ATR: variants seen among roughly 807,000 people sequenced by gnomAD.
The protein encoded by ATR is ATR checkpoint kinase, also known as serine/threonine-protein kinase ATR.
ATR carries 142 observed loss-of-function variants against 305.3 expected under a neutral mutation model. The observed-to-expected ratio is 0.47, with a 90% CI of 0.41 to 0.53. The LOEUF is 0.53. ATR is among the 20% of genes least tolerant of loss of function. The probability of loss-of-function intolerance (pLI) is 0.00; values close to 1 mark genes in which losing one functional copy is unlikely to be tolerated. For synonymous variants in ATR, 1,050 were observed against 1,068.1 expected (o/e 0.98, Z 0.33); for missense variants, 2,135 against 3,133.1 (o/e 0.68, Z 7.60).
chr3:142,450,929 C>T (rs562881558), intron 46 of ATR: 114 of 1,220,772 alleles, frequency 9.3e-5, no homozygotes, highest in Middle Eastern at 6.2e-4. Context: ...ATTATCTTCG[C>T]GGAGCTCACC....
intron 8 of ATR, among the ~76,000 whole-genome samples, chr3:142,557,163 TTCTC>T (rs772910717): frequency 6.6e-6 from 1 of 152,222 alleles, no homozygotes; most frequent in South Asian, 2.1e-4. Flanking sequence ...ATTTCTTTCT[TTCTC>T]TCTCTTTTTT....
chr3:142,534,811 A>G (rs767860594), intron 21 of ATR, among the ~76,000 whole-genome samples: 6 of 152,222 alleles, frequency 3.9e-5, no homozygotes, highest in Non-Finnish European at 7.3e-5. Context: ...TTATACAATT[A>G]TATACATGTT....
At chr3:142,507,850 A>T in intron 28 of ATR, 81 bp downstream of exon 28, 2 of 1,311,356 alleles carry the variant, frequency 1.5e-6, no homozygotes, top group Non-Finnish European at 1.1e-6. Flanking sequence ...CATATAAAAC[A>T]TTCAATAAAA....
intron 28 of ATR, among the ~76,000 whole-genome samples, chr3:142,507,123 T>C (rs2032290354): frequency 6.6e-6 from 1 of 152,214 alleles, no homozygotes; most frequent in Non-Finnish European, 1.5e-5. Context: ...AAGGGGCTAA[T>C]ATTCATCTTA....
At position 142,449,562 on chromosome 3, in the gene ATR, C is replaced by G. The variant is rs2070733957; in HGVS notation, c.7802G>C (p.Gly2601Ala). 6.2e-7 allele frequency: 1 copy of G among 1,614,108 alleles called. No individual in the cohort carries two copies. Among genetic ancestry groups the G allele is most frequent in the Non-Finnish European group, 8.5e-7 (1 of 1,180,002 alleles). ...CACTCTATTTCGAGTCTTGATTACA[C>G]CTTGTAGTCGCTGCTCAATGTCAAG... Reference protein sequence around the residue: ...HVLDIEQRLQGVIKTRNRVTG... With the variant: ...HVLDIEQRLQAVIKTRNRVTG... Residue 2601 changes from glycine to alanine, a missense_variant, in exon 47 of 47, where the codon GGT (glycine) becomes GCT (alanine). Gly to Ala is a moderately conservative substitution (Grantham distance 60). Coordinates refer to ENST00000350721, the MANE Select transcript of ATR (RefSeq NM_001184.4).
rs1266744400 is a variant in ATR, at chr3:142,497,057, C to A, written c.5694G>T (p.Glu1898Asp). 6.2e-7 allele frequency: 1 copy of A among 1,613,562 alleles called. No individual in the cohort carries two copies. ...EMTQNSYRAK[E>D]PILALRRALL... The stretch of plus-strand genomic sequence containing the variant: ...AAGCCCTCCGGAGAGCCAGGATAGG[C>A]TCCTTGGCTCTGTAGGAATTCTGGG... Residue 1898 changes from glutamate to aspartate, a missense_variant, in exon 33 of 47, where the codon GAG becomes GAT. By Grantham distance (45) the Glu-to-Asp change is conservative (BLOSUM62 2). This residue lies in a region of ATR where 30 missense variants were observed against 26.7 expected (regional missense o/e 1.12). Transcript: ENST00000350721.
chr3:142,494,985 A>C (rs553701676), intron 34 of ATR, among the ~76,000 whole-genome samples: 1 of 152,184 alleles, frequency 6.6e-6, no homozygotes, highest in Non-Finnish European at 1.5e-5. Flanking sequence ...GATTCAAGAG[A>C]TATTTCTAAG....
At chr3:142,516,430 T>C (rs1254429091) in intron 24 of ATR, among the ~76,000 whole-genome samples, 1 of 152,220 alleles carries the variant, frequency 6.6e-6, no homozygotes, top group Non-Finnish European at 1.5e-5. Context: ...TATGTATTCT[T>C]AGTCTTCAAA....
At chr3:142,521,174 T>A (rs1044279223) in intron 23 of ATR, among the ~76,000 whole-genome samples, 1 of 152,194 alleles carries the variant, frequency 6.6e-6, no homozygotes, top group African/African-American at 2.4e-5. Flanking sequence ...CTGCCTGTGC[T>A]CTATAAATGC....
Position 142,462,217 on chromosome 3 carries a change from A to G in ATR, c.7042-127T>C, listed in dbSNP as rs1577501095. On this transcript the variant is annotated intron_variant, in intron 41 of 46. Transcript: ENST00000350721. ...TGTCATTGAAGGCTTACTATGTGGT[A>G]TACATGAATAATTCTTCTGAATGGT... 3.4e-6 allele frequency: 3 copies of G among 877,904 alleles called. No homozygotes were observed. In the East Asian group the frequency reaches 8.0e-5, roughly 23 times the overall value. 54.4% of individuals were successfully genotyped at this position (877,904 alleles called of 1,614,324 possible). A position where few individuals can be genotyped will look rare whatever the true frequency, so the allele number is the denominator to read the frequency against.
intron 39 of ATR, among the ~76,000 whole-genome samples, chr3:142,466,837 T>C (rs143036868): frequency 5.6e-4 from 86 of 152,328 alleles, no homozygotes; most frequent in Non-Finnish European, 1.0e-3. Context: ...GATTATGGGA[T>C]ACTCCAACAG....
chr3:142,566,566 G>A (rs1273465523), intron 2 of ATR, among the ~76,000 whole-genome samples: 1 of 146,026 alleles, frequency 6.8e-6, no homozygotes, highest in Non-Finnish European at 1.5e-5. Context: ...CAAGGCAGTA[G>A]TGAGCTACGA....
intron 36 of ATR, among the ~76,000 whole-genome samples, chr3:142,484,810 G>C (rs1440374654): frequency 1.4e-4 from 21 of 152,122 alleles, no homozygotes; most frequent in Admixed American, 1.4e-3. Context: ...GGTGTCCACT[G>C]CTTGGTGTAT....
At chr3:142,574,018 G>A (rs181545639) in intron 1 of ATR, among the ~76,000 whole-genome samples, 91 of 152,304 alleles carry the variant, frequency 6.0e-4, no homozygotes, top group Non-Finnish European at 1.1e-3. Flanking sequence ...AGAGGAACAT[G>A]GGAAGAGGAG....
At chr3:142,467,312 T>C (rs1363667666) in intron 39 of ATR, among the ~76,000 whole-genome samples, 4 of 152,248 alleles carry the variant, frequency 2.6e-5, no homozygotes, top group Non-Finnish European at 5.9e-5. Flanking sequence ...GTTACTCCTG[T>C]AACCATGTTC....
Position 142,524,038 on chromosome 3 carries a change from T to C in ATR, c.4107A>G (p.Leu1369=), listed in dbSNP as rs1422269087. The change falls in exon 22 of 47, where the codon TTA becomes TTG. Residue 1369 remains leucine, a synonymous_variant. Coordinates refer to ENST00000350721, the MANE Select transcript of ATR (RefSeq NM_001184.4). ...CTTGAGTTTCAGTTGTTGAGAAATC[T>C]AATCGACCTGGATCTATCGCCCCCA... ...GELGAIDPGR[L]DFSTTETQGK... 6.2e-7 allele frequency: 1 copy of C among 1,614,020 alleles called. No homozygotes were observed. Among genetic ancestry groups the C allele is most frequent in the African/African-American group, 1.3e-5 (1 of 74,930 alleles).
intron 40 of ATR, 81 bp from the exon 41 acceptor site, chr3:142,465,321 T>TAAAAAA: frequency 3.6e-6 from 3 of 840,744 alleles, no homozygotes; most frequent in Non-Finnish European, 5.2e-6. Flanking sequence ...TTGAGTTATG[T>TAAAAAA]AAAAAAAAAA....
chr3:142,476,871 T>G (rs975238763), intron 36 of ATR, among the ~76,000 whole-genome samples: 2 of 152,190 alleles, frequency 1.3e-5, no homozygotes. Context: ...GAATAGGAGT[T>G]CACTCATGAT....
intron 44 of ATR, 80 bp from the exon 45 acceptor site, chr3:142,457,835 T>G (rs1049492186): frequency 1.3e-6 from 2 of 1,526,364 alleles, no homozygotes; most frequent in Non-Finnish European, 1.8e-6. Context: ...ATGTCCAGAT[T>G]CTTTTAGCAA....
Sources: allele counts gnomAD v4.1 joint callset (sites outside exome capture counted in the v4.1 genomes callset), GRCh38; gene constraint gnomAD v4.1.1; regional missense constraint gnomAD v4.1.1; transcripts MANE v1.5; gene names NCBI Gene and HGNC (gene_info 2026-07-23, HGNC 2026-07-21).